CASK: variants seen among roughly 807,000 people sequenced by gnomAD.
CASK encodes calcium/calmodulin dependent serine protein kinase, also known as peripheral plasma membrane protein CASK.
Under a neutral mutation model 82.9 loss-of-function variants are expected in CASK, and 4 were observed. The ratio of observed to expected loss-of-function variants is 0.05; its 90% CI spans 0.02 to 0.11. CASK has a LOEUF of 0.11. CASK is among the 10% of genes least tolerant of loss of function. The probability of loss-of-function intolerance (pLI) is 1.00; values close to 1 mark genes in which losing one functional copy is unlikely to be tolerated. For missense variants in CASK, 358 were observed against 720.9 expected (o/e 0.50, Z 5.76); for synonymous variants, 259 against 253.5 (o/e 1.02, Z -0.20).
At chrX:41,613,475 C>A (rs2066138488) in intron 11 of CASK, among the ~76,000 whole-genome samples, 3 of 93,710 alleles carry the variant, frequency 3.2e-5, no homozygotes, top group South Asian at 5.6e-4. Flanking sequence ...ATCTCAAGTA[C>A]CCAGGGACAC....
chrX:41,659,165 G>A (rs1208843265), intron 8 of CASK, among the ~76,000 whole-genome samples: 1 of 111,093 alleles, frequency 9.0e-6, no homozygotes, highest in Non-Finnish European at 1.9e-5. Flanking sequence ...AAATCAAAGG[G>A]TAGTGGTAGG....
intron 16 of CASK, among the ~76,000 whole-genome samples, chrX:41,568,187 A>G (rs1291846455): frequency 9.2e-6 from 1 of 109,259 alleles, no homozygotes; most frequent in Non-Finnish European, 1.9e-5. Context: ...ATGTATACCT[A>G]TGTATCAAAC....
At chrX:41,893,662 G>T (rs901284894) in intron 1 of CASK, among the ~76,000 whole-genome samples, 4 of 112,507 alleles carry the variant, frequency 3.6e-5, no homozygotes, top group Non-Finnish European at 5.6e-5. Context: ...CCCACACAGA[G>T]ATTCCTTCAG....
intron 5 of CASK, among the ~76,000 whole-genome samples, chrX:41,714,003 G>A (rs959061080): frequency 1.8e-5 from 2 of 111,683 alleles, no homozygotes; most frequent in African/African-American, 6.5e-5. Flanking sequence ...CAATTACTTG[G>A]AGCAGTGTTG....
intron 5 of CASK, chrX:41,728,242 G>T: frequency 6.6e-6 from 2 of 304,706 alleles, no homozygotes; most frequent in Non-Finnish European, 5.9e-6. Flanking sequence ...ACTTTCAGAA[G>T]CAAAAATTAA....
intron 5 of CASK, chrX:41,695,650 T>C: frequency 8.4e-7 from 1 of 1,197,292 alleles, no homozygotes; most frequent in Non-Finnish European, 1.1e-6. Context: ...AGTCATACCA[T>C]AACAATGACG....
intron 18 of CASK, 99 bp downstream of exon 18, chrX:41,559,680 A>T: frequency 1.4e-6 from 1 of 708,564 alleles, no homozygotes; most frequent in Non-Finnish European, 2.2e-6. Flanking sequence ...CTAACAGCAC[A>T]GGCAGAAACA....
intron 1 of CASK, among the ~76,000 whole-genome samples, chrX:41,858,043 A>G (rs891472018): frequency 8.9e-6 from 1 of 112,610 alleles, no homozygotes; most frequent in African/African-American, 3.2e-5. Context: ...AAGGTCAATA[A>G]ATTACTTGCC....
At chrX:41,526,282 G>C (rs1038099363) in intron 25 of CASK, among the ~76,000 whole-genome samples, 1 of 111,394 alleles carries the variant, frequency 9.0e-6, no homozygotes. Context: ...CTGGGCAACT[G>C]AGATGGGAAA....
At chrX:41,914,564 G>A (rs1230303820) in intron 1 of CASK, among the ~76,000 whole-genome samples, 1 of 112,386 alleles carries the variant, frequency 8.9e-6, no homozygotes, top group East Asian at 2.8e-4. Flanking sequence ...TTCATCCAAC[G>A]TGGACAAAAA....
rs1284450686 is a variant in CASK, at chrX:41,518,702, C to T, written c.*1718G>A. 9.0e-6 allele frequency: 1 copy of T among 110,752 alleles called. No individual in the cohort carries two copies. Among genetic ancestry groups the T allele is most frequent in the Non-Finnish European group, 1.9e-5 (1 of 53,032 alleles). The allele number at this position is 110,752 out of a possible 1,213,427, so 9.1% of individuals were successfully genotyped here. A position where few individuals can be genotyped will look rare whatever the true frequency, so the allele number is the denominator to read the frequency against. ...CAGCTCAGAACACACCCTGCACATC[C>T]TGCCAAGGCACAAAGTGACAAGGCC... On this transcript the variant is annotated 3_prime_UTR_variant, in exon 27 of 27. Coordinates refer to ENST00000378163, the MANE Select transcript of CASK (RefSeq NM_001367721.1).
At chrX:41,917,133 C>T (rs1160964779) in intron 1 of CASK, among the ~76,000 whole-genome samples, 2 of 111,940 alleles carry the variant, frequency 1.8e-5, no homozygotes, top group African/African-American at 6.5e-5. Context: ...TAAGAAAATC[C>T]AACACAGTAT....
intron 11 of CASK, among the ~76,000 whole-genome samples, chrX:41,613,623 A>T: frequency 1.0e-5 from 1 of 96,079 alleles, no homozygotes; most frequent in Non-Finnish European, 2.1e-5. Flanking sequence ...CCCAAGAATG[A>T]TCAATTAAAA....
intron 14 of CASK, among the ~76,000 whole-genome samples, chrX:41,580,087 T>C (rs1222972733): frequency 8.9e-6 from 1 of 111,904 alleles, no homozygotes; most frequent in Admixed American, 9.5e-5. Context: ...AACTGCACCT[T>C]GTACTGGTAC....
chrX:41,543,426 G>C (rs187462633), intron 21 of CASK, among the ~76,000 whole-genome samples: 1 of 111,550 alleles, frequency 9.0e-6, no homozygotes, highest in East Asian at 2.8e-4. Flanking sequence ...TGTAAATAAT[G>C]TCCCTAGTAC....
At chrX:41,876,451 G>C (rs1184013343) in intron 1 of CASK, among the ~76,000 whole-genome samples, 1 of 111,222 alleles carries the variant, frequency 9.0e-6, no homozygotes, top group Non-Finnish European at 1.9e-5. Flanking sequence ...TCAGACATAT[G>C]CCAAGGTCCC....
chrX:41,734,940 C>T (rs1268114883), intron 5 of CASK, among the ~76,000 whole-genome samples: 1 of 111,329 alleles, frequency 9.0e-6, no homozygotes, highest in Non-Finnish European at 1.9e-5. Flanking sequence ...AAGCAGTTCC[C>T]AAAAATAGAT....
intron 1 of CASK, among the ~76,000 whole-genome samples, chrX:41,920,323 T>C (rs775859778): frequency 8.9e-6 from 1 of 112,206 alleles, no homozygotes; most frequent in Non-Finnish European, 1.9e-5. Context: ...TAAAAATGTA[T>C]GCTGTCAAGG....
At chrX:41,696,991 T>A (rs1420934576) in intron 5 of CASK, 3 of 314,227 alleles carry the variant, frequency 9.5e-6, no homozygotes, top group Non-Finnish European at 1.7e-5. Context: ...TTTAAGCTAA[T>A]ACTCTTAACA....
Sources: allele counts gnomAD v4.1 joint callset (sites outside exome capture counted in the v4.1 genomes callset), GRCh38; gene constraint gnomAD v4.1.1; transcripts MANE v1.5; gene names NCBI Gene and HGNC (gene_info 2026-07-23, HGNC 2026-07-21).